SPATS2L: variants seen among roughly 807,000 people sequenced by gnomAD.
SPATS2L encodes the protein spermatogenesis associated serine rich 2 like, also known as SPATS2-like protein.
In SPATS2L, 30 loss-of-function variants were observed where a neutral mutation model predicts 59.6. The ratio of observed to expected loss-of-function variants is 0.50; its 90% CI spans 0.38 to 0.68. The LOEUF (loss-of-function observed/expected upper bound fraction) is 0.68. Among genes scored for constraint, SPATS2L ranks in the 30% least tolerant of loss-of-function variants. The pLI, the probability that SPATS2L is intolerant of heterozygous loss-of-function variation, is 0.00. For missense variants in SPATS2L, 615 were observed against 700.0 expected (o/e 0.88, Z 1.37); for synonymous variants, 252 against 263.5 (o/e 0.96, Z 0.42).
At chr2:200,438,003 T>C (rs2084419582) in intron 6 of SPATS2L, among the ~76,000 whole-genome samples, 1 of 152,166 alleles carries the variant, frequency 6.6e-6, no homozygotes, top group African/African-American at 2.4e-5. Context: ...GAACTCAGTG[T>C]TTGCCCTTGG....
chr2:200,397,443 C>T (rs1290349724), intron 3 of SPATS2L, among the ~76,000 whole-genome samples: 1 of 152,122 alleles, frequency 6.6e-6, no homozygotes, highest in Non-Finnish European at 1.5e-5. Context: ...TAACCTTGTA[C>T]ACTGGAAATC....
chr2:200,447,632 T>C (rs978299053), intron 8 of SPATS2L, among the ~76,000 whole-genome samples: 8 of 152,138 alleles, frequency 5.3e-5, no homozygotes, highest in Admixed American at 5.2e-4. Context: ...CAAGATTCCA[T>C]TGTTAAAGCA....
chr2:200,443,513 A>G (rs2106118079), intron 8 of SPATS2L, among the ~76,000 whole-genome samples: 1 of 152,274 alleles, frequency 6.6e-6, no homozygotes, highest in Admixed American at 6.5e-5. Context: ...CAGTTCTGAG[A>G]GAGATGTCAC....
chr2:200,395,643 C>T (rs973407115), intron 3 of SPATS2L, among the ~76,000 whole-genome samples: 3 of 152,036 alleles, frequency 2.0e-5, no homozygotes, highest in South Asian at 2.1e-4. Context: ...GAGCTCTTAA[C>T]GATATAAACT....
rs567784290 is a variant in SPATS2L at position 200,482,245 on chromosome 2, T to C, written c.*4214T>C. 1 of 152,350 alleles carries C rather than the reference T, an allele frequency of 6.6e-6. No individual in the cohort carries two copies. The highest frequency in any genetic ancestry group is 1.5e-5 in the Non-Finnish European group (1 of 68,032). 9.4% of individuals were successfully genotyped at this position (152,350 alleles called of 1,614,324 possible). On this transcript the variant is annotated 3_prime_UTR_variant, in exon 13 of 13. Transcript: ENST00000409140. ...AGGATTTTAAAATCTTTTTGCTTCTTTAATAAATTCTAACAAAGTTTTGTG... is the reference window on the plus strand; with the variant it reads ...AGGATTTTAAAATCTTTTTGCTTCTCTAATAAATTCTAACAAAGTTTTGTG...
At chr2:200,421,911 A>G (rs1207981067) in intron 6 of SPATS2L, among the ~76,000 whole-genome samples, 2 of 152,260 alleles carry the variant, frequency 1.3e-5, no homozygotes, top group East Asian at 3.8e-4. Context: ...CTTAGCATAT[A>G]TATTTTTTCA....
intron 10 of SPATS2L, among the ~76,000 whole-genome samples, chr2:200,468,373 C>CACACACACACACACACACACACACACAG (rs2086764729): frequency 6.6e-6 from 1 of 151,644 alleles, no homozygotes; most frequent in South Asian, 2.1e-4. Context: ...CACACACACA[C>CACACACACACACACACACACACACACAG]ACACACGCCT....
chr2:200,389,219 A>T lies in SPATS2L; in HGVS notation c.-22-4A>T. 1.9e-6 allele frequency: 3 copies of T among 1,552,044 alleles called. No individual in the cohort carries two copies. Among genetic ancestry groups the T allele is most frequent in the Non-Finnish European group, 1.8e-6 (2 of 1,140,478 alleles). The stretch of plus-strand genomic sequence containing the variant: ...AAACTTAATCTTGTTTTCCTTCTTT[A>T]TAGGGCCTATTCCACTAGAAGCAAG... On this transcript the variant is annotated splice_region_variant and splice_polypyrimidine_tract_variant and intron_variant, in intron 2 of 12. Coordinates refer to ENST00000409140, the MANE Select transcript of SPATS2L (RefSeq NM_001100423.2).
At chr2:200,308,880 G>T in intron 1 of SPATS2L, 1 of 590,442 alleles carries the variant, frequency 1.7e-6, no homozygotes, top group South Asian at 2.2e-5. Flanking sequence ...TATTCATTTT[G>T]TTTTAGGGAG....
At chr2:200,433,796 T>A (rs1447452075) in intron 6 of SPATS2L, among the ~76,000 whole-genome samples, 1 of 152,062 alleles carries the variant, frequency 6.6e-6, no homozygotes, top group Non-Finnish European at 1.5e-5. Context: ...TGAATAACAC[T>A]ATGCTTACCA....
Position 200,459,753 on chromosome 2 carries a change from T to G in SPATS2L, c.789-16T>G. The G allele has an allele frequency of 6.2e-7, 1 of 1,606,296 alleles. No individual in the cohort carries two copies. The highest frequency in any genetic ancestry group is 8.5e-7 in the Non-Finnish European group (1 of 1,175,762). ...AAGCATTCTTTGCTTTTGTTTTTGT[T>G]TTTGTTTTTCCCCAGCATCATTGAC... is the stretch of plus-strand genomic sequence containing the variant. On this transcript the variant is annotated splice_polypyrimidine_tract_variant and intron_variant, in intron 8 of 12. Coordinates refer to ENST00000409140, the MANE Select transcript of SPATS2L (RefSeq NM_001100423.2).
chr2:200,473,384 A>G (rs562609251), intron 12 of SPATS2L, among the ~76,000 whole-genome samples: 1 of 152,300 alleles, frequency 6.6e-6, no homozygotes, highest in East Asian at 1.9e-4. Flanking sequence ...ACCAGCCCAC[A>G]CGTGGAAGGG....
intron 4 of SPATS2L, among the ~76,000 whole-genome samples, chr2:200,414,563 G>A (rs545081681): frequency 1.1e-4 from 16 of 152,068 alleles, no homozygotes; most frequent in East Asian, 7.7e-4. Context: ...CCAGGAAGTC[G>A]AGGCTGCAGT....
chr2:200,461,347 C>T (rs1369572996), intron 9 of SPATS2L: 2 of 152,060 alleles, frequency 1.3e-5, no homozygotes, highest in East Asian at 3.9e-4. Context: ...CTGGGTTTGA[C>T]TTGTTTTATT....
chr2:200,321,548 T>C (rs1049652727), intron 1 of SPATS2L, among the ~76,000 whole-genome samples: 1 of 152,240 alleles, frequency 6.6e-6, no homozygotes, highest in Admixed American at 6.5e-5. Flanking sequence ...TCATAAAATA[T>C]TATTTGAAAA....
chr2:200,395,633 G>A (rs923046093), intron 3 of SPATS2L, among the ~76,000 whole-genome samples: 1 of 152,144 alleles, frequency 6.6e-6, no homozygotes, highest in Non-Finnish European at 1.5e-5. Flanking sequence ...GCTGCTTTAT[G>A]AGCTCTTAAC....
intron 2 of SPATS2L, among the ~76,000 whole-genome samples, chr2:200,376,643 T>G (rs1307518037): frequency 6.6e-6 from 1 of 152,204 alleles, no homozygotes; most frequent in Non-Finnish European, 1.5e-5. Flanking sequence ...AGGCAGGAAA[T>G]CGTGACCTGA....
At chr2:200,359,883 A>G (rs1211685693) in intron 2 of SPATS2L, among the ~76,000 whole-genome samples, 1 of 152,208 alleles carries the variant, frequency 6.6e-6, no homozygotes, top group Non-Finnish European at 1.5e-5. Context: ...CCAGACTTCT[A>G]AGTCCTTCTC....
chr2:200,465,288 C>G (rs1456766443), intron 9 of SPATS2L, among the ~76,000 whole-genome samples: 1 of 152,204 alleles, frequency 6.6e-6, no homozygotes, highest in Non-Finnish European at 1.5e-5. Flanking sequence ...CCAACTGTGA[C>G]CAGAAATTCC....
Sources: gnomAD v4.1 joint callset for allele counts (sites outside exome capture counted in the v4.1 genomes callset) on GRCh38, gnomAD v4.1.1 for gene constraint, MANE v1.5 for transcripts, NCBI Gene and HGNC (gene_info 2026-07-23, HGNC 2026-07-21) for gene names.